C16orf46: variants seen among roughly 807,000 people sequenced by gnomAD.
C16orf46 encodes the protein uncharacterized protein C16orf46.
In C16orf46, 7 loss-of-function variants were observed where a neutral mutation model predicts 5.5. The observed-to-expected ratio is 1.28, with a 90% CI of 0.73 to 2.40. C16orf46 has a LOEUF of 2.40. Among genes scored for constraint, C16orf46 ranks in the 30% most tolerant of loss-of-function variants. C16orf46 has a pLI of 0.00. For missense variants in C16orf46, 614 were observed against 476.0 expected (o/e 1.29, Z -2.70); for synonymous variants, 200 against 184.1 (o/e 1.09, Z -0.70).
downstream of C16orf46, among the ~76,000 whole-genome samples, chr16:81,057,538 CAAAAAA>C (rs11289785): frequency 8.9e-6 from 1 of 112,338 alleles, no homozygotes; most frequent in Admixed American, 9.0e-5. Flanking sequence ...GACTCTGTCT[CAAAAAA>C]AAAAAAAAAA....
intron 1 of C16orf46, among the ~76,000 whole-genome samples, chr16:81,074,642 CAA>C (rs1042767825): frequency 1.1e-4 from 16 of 152,162 alleles, no homozygotes; most frequent in African/African-American, 3.9e-4. Context: ...CTCAGCCTCC[CAA>C]AGTGTTGGGA....
At chr16:81,056,889 A>G (rs780978854), downstream of C16orf46, among the ~76,000 whole-genome samples, 2 of 152,072 alleles carry the variant, frequency 1.3e-5, no homozygotes, top group South Asian at 2.1e-4. Flanking sequence ...TGCTTGATCT[A>G]TAAGTAAAGC....
intron 1 of C16orf46, among the ~76,000 whole-genome samples, chr16:81,070,505 A>T (rs1342352901): frequency 1.3e-5 from 2 of 152,222 alleles, no homozygotes; most frequent in African/African-American, 4.8e-5. Flanking sequence ...AACATGGCCA[A>T]TAGTTTTTTT....
At chr16:81,067,632 A>G (rs1409090195) in intron 1 of C16orf46, among the ~76,000 whole-genome samples, 1 of 151,748 alleles carries the variant, frequency 6.6e-6, no homozygotes, top group Non-Finnish European at 1.5e-5. Context: ...GGATCACTGC[A>G]ACCTCCGCCT....
Position 81,063,247 on chromosome 16 carries a change from A to T in C16orf46, c.210+499T>A, listed in dbSNP as rs1808428. On this transcript the variant is annotated intron_variant, in intron 3 of 3. Coordinates refer to ENST00000299578, the MANE Select transcript of C16orf46 (RefSeq NM_152337.3). The stretch of plus-strand genomic sequence containing the variant: ...GACAGAAAGAGACTCCATCTCAGGG[A>T]AAAAAAAAAAAAAAAAAAAAACCCA... Among the ~76,000 whole-genome samples, 407 of 75,126 alleles carry T rather than the reference A, an allele frequency of 5.4e-3. 5 individuals carry two copies. The highest frequency in any genetic ancestry group is 7.7e-3 in the Non-Finnish European group (252 of 32,814). 49.3% of individuals were successfully genotyped at this position (75,126 alleles called of 152,430 possible). A position where few individuals can be genotyped will look rare whatever the true frequency, so the allele number is the denominator to read the frequency against.
intron 1 of C16orf46, chr16:81,076,288 T>G (rs557664203): frequency 6.6e-6 from 1 of 151,656 alleles, no homozygotes; most frequent in Non-Finnish European, 1.5e-5. Context: ...AGAAACACAC[T>G]GGAAGGAGCT....
At chr16:81,058,609 GC>G (rs1240872802), downstream of C16orf46, among the ~76,000 whole-genome samples, 5 of 152,306 alleles carry the variant, frequency 3.3e-5, no homozygotes, top group Non-Finnish European at 7.3e-5. Flanking sequence ...ATATCCAAAT[GC>G]CAGCTTGCAG....
At chr16:81,063,611 C>A (rs1971557240) in intron 3 of C16orf46, 135 bp downstream of exon 3, 1 of 719,854 alleles carries the variant, frequency 1.4e-6, no homozygotes, top group Non-Finnish European at 2.3e-6. Flanking sequence ...TAATATTTTA[C>A]CTCAATTCCA....
chr16:81,058,284 T>C (rs1290860083), downstream of C16orf46, among the ~76,000 whole-genome samples: 4 of 152,234 alleles, frequency 2.6e-5, no homozygotes, highest in African/African-American at 7.2e-5. Flanking sequence ...TTCTTATTTT[T>C]ACTTATTGCA....
chr16:81,060,870 G>T, downstream of C16orf46: 1 of 674,218 alleles, frequency 1.5e-6, no homozygotes, highest in South Asian at 4.4e-5. Flanking sequence ...ACATGAAGCA[G>T]GCAGAGGCTG....
At chr16:81,074,653 G>C (rs1971966468) in intron 1 of C16orf46, among the ~76,000 whole-genome samples, 1 of 152,092 alleles carries the variant, frequency 6.6e-6, no homozygotes, top group South Asian at 2.1e-4. Flanking sequence ...AAAGTGTTGG[G>C]ATTACAGGCA....
chr16:81,054,040 C>T, exon 4 of C16orf46: 3 of 1,602,158 alleles, frequency 1.9e-6, no homozygotes, highest in African/African-American at 2.7e-5. Flanking sequence ...CGTGTTGCTG[C>T]TTAGGACTGA....
chr16:81,059,947 C>A (rs1228708510), downstream of C16orf46, among the ~76,000 whole-genome samples: 1 of 151,910 alleles, frequency 6.6e-6, no homozygotes, highest in Admixed American at 6.6e-5. Context: ...CGCCACCACG[C>A]CCGGCTAATT....
In C16orf46 at chr16:81,061,839, C is replaced by G; in HGVS notation, c.510G>C (p.Trp170Cys). 6.2e-7 allele frequency: 1 copy of G among 1,614,196 alleles called. No homozygotes were observed. The highest frequency in any genetic ancestry group is 8.5e-7 in the Non-Finnish European group (1 of 1,180,032). The stretch of plus-strand genomic sequence containing the variant: ...CGGGGATGGCCCAGTCTTTGTTGCA[C>G]CAAATAAACTCCTTGATTTGCAGAC... ...KKSLQIKEFIWCNKDWAIPGT... is the reference protein window; with the variant it reads ...KKSLQIKEFICCNKDWAIPGT... Residue 170 changes from tryptophan to cysteine, a missense_variant, in exon 4 of 4, where the codon TGG becomes TGC. Transcript: ENST00000299578.
chr16:81,057,575 G>C (rs1400342581), downstream of C16orf46, among the ~76,000 whole-genome samples: 1 of 151,082 alleles, frequency 6.6e-6, no homozygotes, highest in African/African-American at 2.4e-5. Flanking sequence ...TGGTAGAGAA[G>C]GTTAAGTGCC....
chr16:81,058,522 A>G (rs1971370563), downstream of C16orf46, among the ~76,000 whole-genome samples: 1 of 152,230 alleles, frequency 6.6e-6, no homozygotes, highest in African/African-American at 2.4e-5. Context: ...GATTGGACCC[A>G]AGCAAGGAGC....
Position 81,061,827 on chromosome 16 carries a change from G to GGGGCAAGGCC in C16orf46, c.521_522insGGCCTTGCCC (p.Asp174GlufsTer11). The GGGGCAAGGCC allele has an allele frequency of 6.2e-7, 1 of 1,614,122 alleles. No homozygotes were observed. Among genetic ancestry groups the GGGGCAAGGCC allele is most frequent in the East Asian group, 2.2e-5 (1 of 44,882 alleles). On this transcript the variant is annotated frameshift_variant, in exon 4 of 4. Transcript: ENST00000299578. LOFTEE classifies it low-confidence loss of function (END_TRUNC). ...CCCTATTAGTGCCGGGGATGGCCCA[G>GGGGCAAGGCC]TCTTTGTTGCACCAAATAAACTCCT...
chr16:81,061,166 G>C lies in C16orf46; in HGVS notation c.1183C>G (p.Leu395Val). ...VIIPVSTHRI[L>V] ...AGGGGTTCTACCGCAACCGCTCAGAGGATCCTGTGGGTAGAGACAGGAATG... is the reference window on the plus strand; with the variant it reads ...AGGGGTTCTACCGCAACCGCTCAGACGATCCTGTGGGTAGAGACAGGAATG... Residue 395 changes from leucine to valine, a missense_variant, in exon 4 of 4, where the codon CTC (leucine) becomes GTC (valine). By Grantham distance (32) the Leu-to-Val change is conservative (BLOSUM62 1). Transcript: ENST00000299578. 6.2e-7 allele frequency: 1 copy of C among 1,603,954 alleles called. No individual in the cohort carries two copies. The highest frequency in any genetic ancestry group is 8.5e-7 in the Non-Finnish European group (1 of 1,174,178).
Position 81,066,188 on chromosome 16 carries a change from C to T in C16orf46, c.-39+5G>A, listed in dbSNP as rs1316175398. 5 of 151,990 alleles carry T rather than the reference C, an allele frequency of 3.3e-5. No homozygotes were observed. Among genetic ancestry groups the T allele is most frequent in the Admixed American group, 6.6e-5 (1 of 15,222 alleles). The allele number at this position is 151,990 out of a possible 1,614,324, so 9.4% of individuals were successfully genotyped here. A position where few individuals can be genotyped will look rare whatever the true frequency, so the allele number is the denominator to read the frequency against. ...TATTAATCAGAAGGTCAGATTACTGCATACCAGATCACCAGATGCACCTTC... is the reference window on the plus strand; with the variant it reads ...TATTAATCAGAAGGTCAGATTACTGTATACCAGATCACCAGATGCACCTTC... On this transcript the variant is annotated splice_donor_5th_base_variant and intron_variant, in intron 2 of 3. Coordinates refer to ENST00000299578, the MANE Select transcript of C16orf46 (RefSeq NM_152337.3).
Sources: allele counts gnomAD v4.1 joint callset (sites outside exome capture counted in the v4.1 genomes callset), GRCh38; gene constraint gnomAD v4.1.1; transcripts MANE v1.5; gene names NCBI Gene and HGNC (gene_info 2026-07-23, HGNC 2026-07-21).